The following CROT variants were observed in gnomAD, a reference collection of about 807,000 sequenced individuals.
CROT encodes peroxisomal carnitine O-octanoyltransferase.
CROT carries 84 observed loss-of-function variants against 89.2 expected under a neutral mutation model. That is an observed-to-expected ratio of 0.94 (90% CI 0.79 to 1.13). CROT has a LOEUF of 1.13. Among genes scored for constraint, CROT ranks in the 50% most tolerant of loss-of-function variants. The pLI, the probability that CROT is intolerant of heterozygous loss-of-function variation, is 0.00. For synonymous variants in CROT, 212 were observed against 239.5 expected (o/e 0.89, Z 1.06); for missense variants, 711 against 727.8 (o/e 0.98, Z 0.27).
At chr7:87,389,284 A>G (rs942187769) in intron 13 of CROT, among the ~76,000 whole-genome samples, 1 of 152,188 alleles carries the variant, frequency 6.6e-6, no homozygotes, top group Non-Finnish European at 1.5e-5. Flanking sequence ...TATATACCCA[A>G]AGGATTATAA....
intron 6 of CROT, among the ~76,000 whole-genome samples, chr7:87,366,266 C>T (rs539653353): frequency 2.6e-5 from 4 of 151,946 alleles, no homozygotes; most frequent in Non-Finnish European, 5.9e-5. Flanking sequence ...TTATATAGCA[C>T]TACAGGGCCT....
In CROT at chr7:87,392,793, A is replaced by C. The variant is rs763167663; in HGVS notation, c.1568A>C (p.Glu523Ala). ...IAKEEGLPVPELFTDPLFSKS... is the reference protein window; with the variant it reads ...IAKEEGLPVPALFTDPLFSKS... ...AAAGAGGAAGGTCTTCCTGTTCCAG[A>C]ACTCTTTACGGACCCACTTTTTTCC... The change falls in exon 16 of 18, where the codon GAA becomes GCA. Residue 523 changes from glutamate to alanine, a missense_variant. Transcript: ENST00000331536. 1.2e-5 allele frequency: 19 copies of C among 1,613,630 alleles called. No individual in the cohort carries two copies. The highest frequency in any genetic ancestry group is 8.5e-7 in the Non-Finnish European group (1 of 1,179,816).
Position 87,392,958 on chromosome 7 carries a change from G to A in CROT, c.1609G>A (p.Gly537Arg), listed in dbSNP as rs530942024. 1.2e-5 allele frequency: 20 copies of A among 1,613,674 alleles called. No individual in the cohort carries two copies. The South Asian group carries it at 1.4e-4, about 12-fold the overall frequency. ...DPLFSKSGGG[G>R]NFVLSTSLVG... ...TATTGTGCCACACAGCGGAGGAGGT[G>A]GAAATTTTGTTCTCTCAACAAGTCT... is the stretch of plus-strand genomic sequence containing the variant. Residue 537 changes from glycine (G) to arginine (R), a missense_variant, in exon 17 of 18, where the codon GGA becomes AGA. Physicochemically the swap from Gly to Arg is moderately radical, Grantham distance 125 (BLOSUM62 -2). Coordinates refer to ENST00000331536, the MANE Select transcript of CROT (RefSeq NM_021151.4).
At chr7:87,357,620 A>C (rs1387427667) in intron 3 of CROT, 2 of 875,538 alleles carry the variant, frequency 2.3e-6, no homozygotes, top group Non-Finnish European at 3.7e-6. Flanking sequence ...GAGAAGAGAC[A>C]GCTTATTGAA....
intron 7 of CROT, among the ~76,000 whole-genome samples, chr7:87,371,654 C>A (rs909187702): frequency 3.3e-5 from 5 of 152,162 alleles, no homozygotes; most frequent in Admixed American, 3.3e-4. Context: ...AGGACACCCA[C>A]TTCTCCTAAT....
At chr7:87,380,513 T>C (rs1028866996) in intron 10 of CROT, among the ~76,000 whole-genome samples, 3 of 150,976 alleles carry the variant, frequency 2.0e-5, no homozygotes, top group Non-Finnish European at 4.4e-5. Flanking sequence ...TTTTTACTAT[T>C]GCCCAGCTAG....
At chr7:87,352,334 A>G (rs1484073900) in intron 3 of CROT, among the ~76,000 whole-genome samples, 1 of 152,220 alleles carries the variant, frequency 6.6e-6, no homozygotes, top group East Asian at 1.9e-4. Context: ...TGGATCCATC[A>G]TGTCCCTTGG....
intron 13 of CROT, among the ~76,000 whole-genome samples, chr7:87,384,322 A>G (rs1018578119): frequency 6.6e-6 from 1 of 152,176 alleles, no homozygotes; most frequent in Non-Finnish European, 1.5e-5. Context: ...ACCTGAGGTC[A>G]GGAGTTTGAG....
At position 87,352,999 on chromosome 7, in the gene CROT, C is replaced by G. The variant is rs181105318; in HGVS notation, c.115+3816C>G. Among the ~76,000 whole-genome samples the G allele has an allele frequency of 1.2e-3, 182 of 152,300 alleles. 2 individuals carry two copies. The highest frequency in any genetic ancestry group is 4.0e-3 in the African/African-American group (167 of 41,572). ...ATTAGCTTCAGCTTGCTATCAGATA[C>G]TGGCAGGAGTCAGTGCCTTCTTTAG... On this transcript the variant is annotated intron_variant, in intron 3 of 17. Coordinates refer to ENST00000331536, the MANE Select transcript of CROT (RefSeq NM_021151.4).
At chr7:87,374,088 C>G (rs1415067646) in intron 7 of CROT, among the ~76,000 whole-genome samples, 1 of 151,922 alleles carries the variant, frequency 6.6e-6, no homozygotes, top group African/African-American at 2.4e-5. Context: ...AGAAGCCAGA[C>G]TGTGTGGGTT....
intron 17 of CROT, among the ~76,000 whole-genome samples, chr7:87,393,809 C>T (rs1320560489): frequency 6.6e-6 from 1 of 152,130 alleles, no homozygotes; most frequent in East Asian, 1.9e-4. Flanking sequence ...GTTTCTAATA[C>T]AACTGACCCT....
intron 5 of CROT, 63 bp downstream of exon 5, chr7:87,361,634 A>T (rs1198590755): frequency 6.5e-7 from 1 of 1,532,498 alleles, no homozygotes; most frequent in African/African-American, 1.4e-5. Flanking sequence ...AAATGTTGAG[A>T]AGCTTAATTT....
chr7:87,371,212 C>T (rs571698819), intron 7 of CROT, among the ~76,000 whole-genome samples: 5 of 152,164 alleles, frequency 3.3e-5, no homozygotes, highest in South Asian at 2.1e-4. Context: ...TTGACTTTTA[C>T]GTTTGTATTT....
At chr7:87,393,151 G>C (rs1313945668) in intron 17 of CROT, 84 bp downstream of exon 17, 2 of 1,395,116 alleles carry the variant, frequency 1.4e-6, no homozygotes, top group Non-Finnish European at 2.0e-6. Context: ...CCTACACTGT[G>C]ATTCTTATAT....
At chr7:87,396,366 C>T (rs543366288) in intron 17 of CROT, among the ~76,000 whole-genome samples, 3 of 152,058 alleles carry the variant, frequency 2.0e-5, no homozygotes, top group East Asian at 1.9e-4. Context: ...AGCCAAATGA[C>T]GAGGAGGAAG....
intron 13 of CROT, among the ~76,000 whole-genome samples, chr7:87,383,749 G>A (rs1807100353): frequency 6.6e-6 from 1 of 151,926 alleles, no homozygotes; most frequent in Non-Finnish European, 1.5e-5. Flanking sequence ...TGCGTGCCTT[G>A]GCCTCCCAAA....
rs928648602 is a variant in CROT at position 87,346,425 on chromosome 7, G to A, written c.-27G>A. On this transcript the variant is annotated 5_prime_UTR_variant, in exon 2 of 18. Transcript: ENST00000331536. ...GTCTCAAGCAGTTCATCTTCTTGGT[G>A]TACTGGTATGTGACAATTCCTTCAC... The A allele has an allele frequency of 6.6e-6, 1 of 152,164 alleles. No homozygotes were observed. Among genetic ancestry groups the A allele is most frequent in the Non-Finnish European group, 1.5e-5 (1 of 68,028 alleles). 9.4% of individuals were successfully genotyped at this position (152,164 alleles called of 1,614,324 possible). A position where few individuals can be genotyped will look rare whatever the true frequency, so the allele number is the denominator to read the frequency against.
intron 4 of CROT, 90 bp from the exon 5 acceptor site, chr7:87,361,299 GA>G: frequency 4.0e-6 from 5 of 1,257,438 alleles, no homozygotes; most frequent in Non-Finnish European, 5.7e-6. Context: ...AATAATTAAA[GA>G]ACAAATATAG....
chr7:87,361,822 A>G lies in CROT; in HGVS notation c.517A>G (p.Arg173Gly). Residue 173 changes from arginine to glycine, a missense_variant, in exon 6 of 18, where the codon AGA (arginine) becomes GGA (glycine). Coordinates refer to ENST00000331536, the MANE Select transcript of CROT (RefSeq NM_021151.4). ...TACCTGCAAGGTTCCAGGAATTACT[A>G]GAGACTCCATTATGAATTATTTTAG... is the stretch of plus-strand genomic sequence containing the variant. ...FSTCKVPGIT[R>G]DSIMNYFRTE... 1.2e-6 allele frequency: 2 copies of G among 1,604,972 alleles called. No individual in the cohort carries two copies. Among genetic ancestry groups the G allele is most frequent in the South Asian group, 1.1e-5 (1 of 88,708 alleles).
Sources: allele counts gnomAD v4.1 joint callset (sites outside exome capture counted in the v4.1 genomes callset), GRCh38; gene constraint gnomAD v4.1.1; transcripts MANE v1.5; gene names NCBI Gene and HGNC (gene_info 2026-07-23, HGNC 2026-07-21).